DOCK2: variants seen among roughly 807,000 people sequenced by gnomAD.
DOCK2 encodes the protein dedicator of cytokinesis 2, also known as dedicator of cytokinesis protein 2.
DOCK2 carries 87 observed loss-of-function variants against 248.9 expected under a neutral mutation model. The observed-to-expected ratio is 0.35, with a 90% CI of 0.29 to 0.42. The LOEUF (loss-of-function observed/expected upper bound fraction) is 0.42. DOCK2 is among the 10% of genes least tolerant of loss of function. DOCK2 has a pLI of 1.00. For synonymous variants in DOCK2, 805 were observed against 821.6 expected (o/e 0.98, Z 0.35); for missense variants, 1,747 against 2,300.2 (o/e 0.76, Z 4.92).
At chr5:169,698,290 C>T in intron 10 of DOCK2, 84 bp from the exon 11 acceptor site, 3 of 1,423,468 alleles carry the variant, frequency 2.1e-6, no homozygotes, top group African/African-American at 1.4e-5. Context: ...GGCTCTACCT[C>T]CTGTCCCATA....
At chr5:170,022,516 G>T (rs1755765218) in intron 33 of DOCK2, among the ~76,000 whole-genome samples, 1 of 152,090 alleles carries the variant, frequency 6.6e-6, no homozygotes, top group African/African-American at 2.4e-5. Context: ...CATCTCGGGG[G>T]TCTCTGTCCA....
intron 6 of DOCK2, among the ~76,000 whole-genome samples, chr5:169,676,309 A>G (rs1759333342): frequency 1.3e-5 from 2 of 152,182 alleles, no homozygotes; most frequent in Non-Finnish European, 1.5e-5. Context: ...TGCCTGGAAC[A>G]AGGTCTGCAC....
Position 169,963,640 on chromosome 5 carries a change from C to T in DOCK2, c.2800-19428C>T, listed in dbSNP as rs374491775. ...AAGCAGGAGTTACTGATCTTTGCTA[C>T]CCAGAATGTTAACCCACCCCCTCAC... On this transcript the variant is annotated intron_variant, in intron 27 of 51. Transcript: ENST00000520908. Among the ~76,000 whole-genome samples the T allele has an allele frequency of 6.0e-4, 92 of 152,290 alleles. 2 individuals are homozygous for T. The highest frequency in any genetic ancestry group is 5.0e-3 in the South Asian group (24 of 4,822).
chr5:169,658,277 G>A (rs910100283), intron 2 of DOCK2, among the ~76,000 whole-genome samples: 12 of 151,618 alleles, frequency 7.9e-5, no homozygotes, highest in Non-Finnish European at 1.6e-4. Flanking sequence ...TCAGGAGATC[G>A]AGACCCTCCT....
At chr5:169,842,774 A>G (rs1435859957) in intron 27 of DOCK2, among the ~76,000 whole-genome samples, 1 of 152,124 alleles carries the variant, frequency 6.6e-6, no homozygotes, top group Non-Finnish European at 1.5e-5. Flanking sequence ...AGTGCTGTAT[A>G]TTATTATTTT....
chr5:169,697,807 A>G (rs746985761), intron 10 of DOCK2, among the ~76,000 whole-genome samples: 1 of 152,060 alleles, frequency 6.6e-6, no homozygotes, highest in Non-Finnish European at 1.5e-5. Flanking sequence ...TATAATCCCC[A>G]TTCTAGTGTA....
chr5:170,042,231 A>G, intron 38 of DOCK2, 99 bp downstream of exon 38: 1 of 1,363,306 alleles, frequency 7.3e-7, no homozygotes, highest in Non-Finnish European at 9.8e-7. Flanking sequence ...TCTGTCAGAT[A>G]TCCCTGCAAA....
intron 27 of DOCK2, among the ~76,000 whole-genome samples, chr5:169,874,287 C>T (rs1772173577): frequency 6.6e-6 from 1 of 151,702 alleles, no homozygotes; most frequent in Admixed American, 6.6e-5. Flanking sequence ...GTGGCGGGCA[C>T]CTATAATCCC....
chr5:169,988,108 G>C (rs1351252625), intron 29 of DOCK2, among the ~76,000 whole-genome samples: 4 of 152,156 alleles, frequency 2.6e-5, no homozygotes, highest in Non-Finnish European at 5.9e-5. Context: ...TTAGACTAAA[G>C]AAGCATGTGT....
At chr5:169,806,376 T>A (rs1157825436) in intron 26 of DOCK2, among the ~76,000 whole-genome samples, 2 of 152,084 alleles carry the variant, frequency 1.3e-5, no homozygotes, top group Non-Finnish European at 1.5e-5. Context: ...CTCAAACCCC[T>A]GGCCTCAAGT....
rs79891155 is a variant in DOCK2 at position 169,941,210 on chromosome 5, G to A, written c.2800-41858G>A. Among the ~76,000 whole-genome samples the A allele has an allele frequency of 7.9e-3, 1,206 of 152,152 alleles. 61 individuals carry two copies. The East Asian group carries it at 0.13, about 17-fold the overall frequency. On this transcript the variant is annotated intron_variant, in intron 27 of 51. Transcript: ENST00000520908. The stretch of plus-strand genomic sequence containing the variant: ...TGCTTTTTAAATTTATTTATTTATT[G>A]TTATTATTATTTTTTGATGTGGAGT...
intron 6 of DOCK2, among the ~76,000 whole-genome samples, chr5:169,676,684 C>T (rs1202251056): frequency 1.3e-5 from 2 of 152,150 alleles, no homozygotes; most frequent in African/African-American, 4.8e-5. Flanking sequence ...CCTGGGAACA[C>T]CCACCTCCAA....
chr5:169,902,157 G>A (rs1477970758), intron 27 of DOCK2, among the ~76,000 whole-genome samples: 1 of 152,136 alleles, frequency 6.6e-6, no homozygotes, highest in Non-Finnish European at 1.5e-5. Context: ...CACTGAAAAG[G>A]TCAAGGAAAG....
chr5:169,794,700 G>T (rs921681312), intron 25 of DOCK2, among the ~76,000 whole-genome samples: 1 of 152,124 alleles, frequency 6.6e-6, no homozygotes, highest in Non-Finnish European at 1.5e-5. Context: ...CGAGGCGGGC[G>T]GATCACGAGG....
chr5:170,058,531 C>T (rs957123702), intron 44 of DOCK2, among the ~76,000 whole-genome samples: 2 of 151,974 alleles, frequency 1.3e-5, no homozygotes, highest in African/African-American at 4.8e-5. Flanking sequence ...TGAGGAGAGG[C>T]CTGGAGGAAA....
At chr5:170,034,749 C>T (rs1002868225) in intron 35 of DOCK2, among the ~76,000 whole-genome samples, 194 bp downstream of exon 35, 2 of 152,182 alleles carry the variant, frequency 1.3e-5, no homozygotes. Context: ...CCTTTCTATG[C>T]CTGCCTCCTT....
chr5:169,990,101 T>C (rs1259718280), intron 29 of DOCK2, among the ~76,000 whole-genome samples: 1 of 150,494 alleles, frequency 6.6e-6, no homozygotes, highest in East Asian at 1.9e-4. Flanking sequence ...TTTTTTTTTC[T>C]TCTTCTTTTT....
At chr5:169,789,200 G>T (rs1204136485) in intron 25 of DOCK2, among the ~76,000 whole-genome samples, 1 of 152,064 alleles carries the variant, frequency 6.6e-6, no homozygotes, top group Non-Finnish European at 1.5e-5. Context: ...CTTTTTTATG[G>T]CCACATAGTA....
At chr5:169,788,956 C>T (rs1307811728) in intron 25 of DOCK2, among the ~76,000 whole-genome samples, 2 of 152,026 alleles carry the variant, frequency 1.3e-5, no homozygotes, top group Non-Finnish European at 2.9e-5. Context: ...AAGCCTAATA[C>T]CCATTAGCTA....
Sources: gnomAD v4.1 joint callset for allele counts (sites outside exome capture counted in the v4.1 genomes callset) on GRCh38, gnomAD v4.1.1 for gene constraint, MANE v1.5 for transcripts, NCBI Gene and HGNC (gene_info 2026-07-23, HGNC 2026-07-21) for gene names.